Variants in PTPRD observed in about 807,000 individuals in gnomAD.
PTPRD encodes protein tyrosine phosphatase receptor type D.
In PTPRD, 34 loss-of-function variants were observed where a neutral mutation model predicts 214.5. The observed-to-expected ratio is 0.16, with a 90% CI of 0.12 to 0.21. PTPRD has a LOEUF of 0.21. Among genes scored for constraint, PTPRD ranks in the 10% least tolerant of loss-of-function variants. The probability of loss-of-function intolerance (pLI) is 1.00; values close to 1 mark genes in which losing one functional copy is unlikely to be tolerated. For synonymous variants in PTPRD, 1,128 were observed against 845.7 expected (o/e 1.33, Z -5.79); for missense variants, 2,545 against 2,398.7 (o/e 1.06, Z -1.27).
At chr9:9,095,902 T>C (rs1204573176) in intron 10 of PTPRD, among the ~76,000 whole-genome samples, 1 of 152,150 alleles carries the variant, frequency 6.6e-6, no homozygotes, top group Non-Finnish European at 1.5e-5. Flanking sequence ...ATATATACAA[T>C]GGAATATTAT....
chr9:9,336,735 A>G (rs1482576463), intron 9 of PTPRD, among the ~76,000 whole-genome samples: 1 of 152,168 alleles, frequency 6.6e-6, no homozygotes, highest in Non-Finnish European at 1.5e-5. Flanking sequence ...GTGCCTGTCA[A>G]CTTTTAAAGT....
intron 39 of PTPRD, among the ~76,000 whole-genome samples, chr9:8,370,214 A>G (rs1056130767): frequency 2.4e-3 from 166 of 69,230 alleles, no homozygotes; most frequent in African/African-American, 4.6e-3. Flanking sequence ...ATATACACAC[A>G]CACACACACA....
intron 8 of PTPRD, among the ~76,000 whole-genome samples, chr9:9,460,941 G>T (rs562886598): frequency 6.6e-6 from 1 of 152,136 alleles, no homozygotes; most frequent in East Asian, 1.9e-4. Context: ...GTCAGTGGTT[G>T]ACTGGATAAA....
chr9:9,631,008 G>A (rs1156264495), intron 7 of PTPRD, among the ~76,000 whole-genome samples: 2 of 151,890 alleles, frequency 1.3e-5, no homozygotes, highest in Non-Finnish European at 2.9e-5. Flanking sequence ...TTAATGAAAG[G>A]GGCAGTCAAC....
chr9:10,569,529 C>CTG (rs1313925314), intron 2 of PTPRD, among the ~76,000 whole-genome samples: 4 of 151,500 alleles, frequency 2.6e-5, no homozygotes, highest in Non-Finnish European at 5.9e-5. Context: ...CTCTCTCTCT[C>CTG]TCTGTGTGTA....
intron 9 of PTPRD, among the ~76,000 whole-genome samples, chr9:9,205,112 A>C (rs2120923): frequency 0.2 from 30,018 of 152,124 alleles, 3,043 homozygotes; most frequent in East Asian, 0.33. Flanking sequence ...TAATTTAGAA[A>C]CAGTGAAATA....
intron 10 of PTPRD, among the ~76,000 whole-genome samples, chr9:9,172,456 T>A (rs560317934): frequency 1.2e-4 from 18 of 152,266 alleles, no homozygotes; most frequent in South Asian, 2.1e-4. Flanking sequence ...TTACTCACTT[T>A]CATTTTCTGG....
At chr9:8,601,397 A>G (rs1426354304) in intron 14 of PTPRD, among the ~76,000 whole-genome samples, 1 of 152,190 alleles carries the variant, frequency 6.6e-6, no homozygotes, top group East Asian at 1.9e-4. Flanking sequence ...AAACATAGAT[A>G]GTAGCCAGGT....
intron 11 of PTPRD, among the ~76,000 whole-genome samples, chr9:8,878,229 C>T (rs553080836): frequency 1.9e-4 from 29 of 152,244 alleles, no homozygotes; most frequent in African/African-American, 6.7e-4. Context: ...GATTGGAAAG[C>T]AGGGGAATTG....
chr9:10,549,925 C>G (rs1056710608), intron 2 of PTPRD, among the ~76,000 whole-genome samples: 1 of 152,112 alleles, frequency 6.6e-6, no homozygotes, highest in African/African-American at 2.4e-5. Context: ...GTTACCCCAA[C>G]TTTATTGTGT....
chr9:8,987,313 G>A (rs958114182), intron 11 of PTPRD, among the ~76,000 whole-genome samples: 1 of 151,976 alleles, frequency 6.6e-6, no homozygotes, highest in South Asian at 2.1e-4. Flanking sequence ...ACCTCATTAG[G>A]GTTCAGGATT....
chr9:8,568,754 T>G (rs766316413), intron 14 of PTPRD, among the ~76,000 whole-genome samples: 2 of 152,046 alleles, frequency 1.3e-5, no homozygotes, highest in Admixed American at 6.6e-5. Context: ...TGCAAGTATT[T>G]TCTTTCAGAG....
rs573106015 is a variant in PTPRD, at chr9:8,732,524, T to G, written c.64+1256A>C. ...AAATGGCTTTAAAATAACAAGAACA[T>G]CTAACATTTGGGTCTTTTCCCAGTT... On this transcript the variant is annotated intron_variant, in intron 12 of 45. Coordinates refer to ENST00000381196, the MANE Select transcript of PTPRD (RefSeq NM_002839.4). 2.6e-5 allele frequency among the ~76,000 whole-genome samples: 4 copies of G among 152,258 alleles called. No homozygotes were observed. The South Asian group carries it at 8.3e-4, about 32-fold the overall frequency.
At chr9:8,735,148 TTC>T (rs71506082) in intron 11 of PTPRD, among the ~76,000 whole-genome samples, 6 of 138,884 alleles carry the variant, frequency 4.3e-5, no homozygotes, top group African/African-American at 1.5e-4. Flanking sequence ...GTTTTTTTTT[TTC>T]TGTTTTTTTT....
chr9:10,082,502 G>C (rs1051040663), intron 3 of PTPRD, among the ~76,000 whole-genome samples: 3 of 151,904 alleles, frequency 2.0e-5, no homozygotes, highest in Non-Finnish European at 2.9e-5. Context: ...TCTATCAACT[G>C]GAAATTAGCA....
At chr9:9,947,591 TA>T (rs2092934732) in intron 4 of PTPRD, among the ~76,000 whole-genome samples, 3 of 51,016 alleles carry the variant, frequency 5.9e-5, no homozygotes, top group Admixed American at 3.4e-4. Flanking sequence ...ATATATTATA[TA>T]TATAATATAT....
chr9:8,736,135 T>A (rs981029202), intron 11 of PTPRD, among the ~76,000 whole-genome samples: 1 of 152,036 alleles, frequency 6.6e-6, no homozygotes, highest in Non-Finnish European at 1.5e-5. Context: ...GAGTTTCAGG[T>A]GAGAAGTGAC....
intron 5 of PTPRD, among the ~76,000 whole-genome samples, chr9:9,835,948 T>C (rs1242649717): frequency 6.6e-6 from 1 of 152,168 alleles, no homozygotes; most frequent in Non-Finnish European, 1.5e-5. Flanking sequence ...TACCACTAGA[T>C]GGAAATTACT....
intron 11 of PTPRD, among the ~76,000 whole-genome samples, chr9:8,739,615 C>G (rs2154443640): frequency 6.6e-6 from 1 of 152,228 alleles, no homozygotes; most frequent in East Asian, 1.9e-4. Flanking sequence ...GGTGAGAATT[C>G]TGAGTTCTCG....
Sources: gnomAD v4.1 joint callset for allele counts (sites outside exome capture counted in the v4.1 genomes callset) on GRCh38, gnomAD v4.1.1 for gene constraint, MANE v1.5 for transcripts, NCBI Gene and HGNC (gene_info 2026-07-23, HGNC 2026-07-21) for gene names.